The following MYPN variants were observed in gnomAD, a reference collection of about 807,000 sequenced individuals.
MYPN encodes the protein sarcomeric protein myopalladin, 145 kDa (MYOP).
In MYPN, 63 loss-of-function variants were observed where a neutral mutation model predicts 129.4. That is an observed-to-expected ratio of 0.49 (90% CI 0.40 to 0.60). MYPN has a LOEUF of 0.60. MYPN is among the 20% of genes least tolerant of loss of function. The probability of loss-of-function intolerance (pLI) is 0.00; values close to 1 mark genes in which losing one functional copy is unlikely to be tolerated. For missense variants in MYPN, 1,596 were observed against 1,635.4 expected (o/e 0.98, Z 0.42); for synonymous variants, 629 against 600.9 (o/e 1.05, Z -0.68).
chr10:68,202,416 G>A (rs918373896), intron 18 of MYPN, among the ~76,000 whole-genome samples: 2 of 151,838 alleles, frequency 1.3e-5, no homozygotes, highest in African/African-American at 2.4e-5. Flanking sequence ...CTGGGTGACA[G>A]AGTGAGACTC....
intron 2 of MYPN, among the ~76,000 whole-genome samples, chr10:68,130,404 G>A (rs2042391726): frequency 6.6e-6 from 1 of 151,140 alleles, no homozygotes; most frequent in Admixed American, 6.6e-5. Flanking sequence ...AGGTTACAGT[G>A]AGCCAAGATC....
chr10:68,136,495 C>A, intron 2 of MYPN: 1 of 1,288,588 alleles, frequency 7.8e-7, no homozygotes, highest in Non-Finnish European at 1.0e-6. Context: ...TTCAGCATAG[C>A]AGGGTAAATT....
In MYPN at chr10:68,166,602, A is replaced by G; in HGVS notation, c.1909A>G (p.Thr637Ala). ...CCAGGAGAGGTTCAACGGACAGGCA[A>G]CAAAAACCCCAGAGCCTTCTTCCCC... Reference protein sequence around the residue: ...SFQERFNGQATKTPEPSSPVK... With the variant: ...SFQERFNGQAAKTPEPSSPVK... The change falls in exon 10 of 20, where the codon ACA becomes GCA. Residue 637 changes from threonine to alanine, a missense_variant. Thr to Ala is a moderately conservative substitution (Grantham distance 58). Coordinates refer to ENST00000358913, the MANE Select transcript of MYPN (RefSeq NM_032578.4). The G allele has an allele frequency of 6.2e-7, 1 of 1,614,168 alleles. No homozygotes were observed. Among genetic ancestry groups the G allele is most frequent in the Non-Finnish European group, 8.5e-7 (1 of 1,180,012 alleles).
chr10:68,098,575 G>A (rs879281491), intron 1 of MYPN, among the ~76,000 whole-genome samples: 1 of 152,114 alleles, frequency 6.6e-6, no homozygotes, highest in East Asian at 1.9e-4. Context: ...GCTGGGCACG[G>A]TGACTCACAC....
rs568019827 is a variant in MYPN at position 68,148,439 on chromosome 10, C to T, written c.1217C>T (p.Ala406Val). The T allele has an allele frequency of 6.6e-5, 106 of 1,614,098 alleles. No homozygotes were observed. In the South Asian group the frequency reaches 1.2e-3, roughly 18 times the overall value. ...PAVPQAQHLV[A>V]QPRVATIQQC... is the part of the protein sequence containing the mutation. ...GTACCCCAAGCCCAGCATTTGGTGGCCCAACCTCGTGTGGCAACCATCCAG... is the reference window on the plus strand; with the variant it reads ...GTACCCCAAGCCCAGCATTTGGTGGTCCAACCTCGTGTGGCAACCATCCAG... The change falls in exon 5 of 20, where the codon GCC becomes GTC. Residue 406 changes from alanine to valine, a missense_variant. Transcript: ENST00000358913.
intron 12 of MYPN, among the ~76,000 whole-genome samples, chr10:68,182,497 C>T (rs145468264): frequency 0.11 from 14,702 of 132,428 alleles, 1,578 homozygotes; most frequent in Middle Eastern, 0.19. Flanking sequence ...CACACACACA[C>T]ATATATATAT....
At chr10:68,149,615 T>C (rs940799254) in intron 5 of MYPN, among the ~76,000 whole-genome samples, 1 of 152,210 alleles carries the variant, frequency 6.6e-6, no homozygotes, top group African/African-American at 2.4e-5. Flanking sequence ...ATTTCTTTAT[T>C]GATGATCAAT....
chr10:68,203,073 C>T (rs1227789199), intron 18 of MYPN, among the ~76,000 whole-genome samples: 2 of 152,096 alleles, frequency 1.3e-5, no homozygotes, highest in African/African-American at 2.4e-5. Flanking sequence ...CATTCCCAGT[C>T]GAGGCTGACT....
At chr10:68,118,151 A>T (rs1205965890) in intron 1 of MYPN, among the ~76,000 whole-genome samples, 2 of 150,638 alleles carry the variant, frequency 1.3e-5, no homozygotes, top group Non-Finnish European at 3.0e-5. Context: ...TTCTTTTCTT[A>T]AAAAAAAACT....
chr10:68,171,420 G>A (rs1324464152), intron 10 of MYPN, among the ~76,000 whole-genome samples: 1 of 152,142 alleles, frequency 6.6e-6, no homozygotes. Flanking sequence ...TCACCTGGAA[G>A]CTTGGTTGGA....
In MYPN at chr10:68,199,560, G is replaced by C; in HGVS notation, c.3478G>C (p.Glu1160Gln). Reference protein sequence around the residue: ...NKTGQNSFSLELSVVAKEVKK... With the variant: ...NKTGQNSFSLQLSVVAKEVKK... ...AACCGGGCAGAATTCTTTTAGTCTG[G>C]AGCTCTCTGTAGTAGGTAAGGTTTG... is the stretch of plus-strand genomic sequence containing the variant. Residue 1160 changes from glutamate (E) to glutamine (Q), a missense_variant, in exon 17 of 20, where the codon GAG becomes CAG. Glu to Gln is a conservative substitution (Grantham distance 29, BLOSUM62 2). Transcript: ENST00000358913. 6.2e-6 allele frequency: 10 copies of C among 1,609,724 alleles called. No individual in the cohort carries two copies. Among genetic ancestry groups the C allele is most frequent in the Non-Finnish European group, 8.5e-6 (10 of 1,178,322 alleles).
intron 18 of MYPN, among the ~76,000 whole-genome samples, chr10:68,203,720 CAG>C (rs371058853): frequency 1.7e-4 from 20 of 115,752 alleles, no homozygotes; most frequent in African/African-American, 4.0e-4. Context: ...CATACACACA[CAG>C]AGAGAGAGAG....
chr10:68,093,756 CAAA>C (rs1321053051), intron 1 of MYPN, among the ~76,000 whole-genome samples: 2 of 120,232 alleles, frequency 1.7e-5, no homozygotes. Flanking sequence ...GACTCCGTCT[CAAA>C]AAAAAAAAAA....
intron 3 of MYPN, 57 bp downstream of exon 3, chr10:68,143,172 A>C (rs1221631663): frequency 2.6e-6 from 4 of 1,533,864 alleles, no homozygotes; most frequent in Non-Finnish European, 2.7e-6. Context: ...TAGTTATAAT[A>C]AATAAATATT....
chr10:68,160,411 C>T (rs1038000253), intron 7 of MYPN, among the ~76,000 whole-genome samples: 2 of 109,804 alleles, frequency 1.8e-5, no homozygotes, highest in Non-Finnish European at 3.4e-5. Context: ...GCCTGAGCAA[C>T]AGAGTGAGAC....
chr10:68,102,503 G>A (rs2041986611), upstream of MYPN, among the ~76,000 whole-genome samples: 1 of 152,140 alleles, frequency 6.6e-6, no homozygotes. Context: ...CAAACCATTT[G>A]AGACCTATGT....
intron 8 of MYPN, among the ~76,000 whole-genome samples, chr10:68,165,236 T>A (rs7093248): frequency 0.13 from 19,110 of 152,284 alleles, 1,595 homozygotes; most frequent in Middle Eastern, 0.22. Flanking sequence ...GCAGATCACC[T>A]GAGGTCAGGA....
At chr10:68,131,619 T>C (rs2042412665) in intron 2 of MYPN, among the ~76,000 whole-genome samples, 1 of 152,154 alleles carries the variant, frequency 6.6e-6, no homozygotes, top group African/African-American at 2.4e-5. Context: ...GTTCAGGTGA[T>C]CCTCCTGCCT....
In MYPN at chr10:68,210,273, G is replaced by C; in HGVS notation, c.3794-13G>C. On this transcript the variant is annotated splice_polypyrimidine_tract_variant and intron_variant, in intron 19 of 19. Transcript: ENST00000358913. The stretch of plus-strand genomic sequence containing the variant: ...TCCTTTGATCATAACACATTATTTG[G>C]TCCATTTTCCAGCTCAGTGGCACCA... The C allele has an allele frequency of 1.9e-6, 3 of 1,612,804 alleles. No homozygotes were observed. The highest frequency in any genetic ancestry group is 2.5e-6 in the Non-Finnish European group (3 of 1,179,974).
Sources: gnomAD v4.1 joint callset for allele counts (sites outside exome capture counted in the v4.1 genomes callset) on GRCh38, gnomAD v4.1.1 for gene constraint, MANE v1.5 for transcripts, NCBI Gene and HGNC (gene_info 2026-07-23, HGNC 2026-07-21) for gene names.